Variants in ABCD2 observed in about 807,000 individuals in gnomAD.
ABCD2 encodes ATP binding cassette subfamily D member 2, also known as ATP-binding cassette sub-family D member 2.
In ABCD2, 36 loss-of-function variants were observed where a neutral mutation model predicts 70.9. That is an observed-to-expected ratio of 0.51 (90% CI 0.39 to 0.67). The LOEUF is 0.67. Ranked by LOEUF, ABCD2 falls within the 30% of genes least tolerant of loss-of-function variation. The pLI is 0.00. For missense variants in ABCD2, 729 were observed against 890.2 expected, an observed-to-expected ratio of 0.82 and a Z score of 2.30; for synonymous variants, 304 against 306.9, an observed-to-expected ratio of 0.99 and a Z score of 0.10.
the ABCD2 span, among the ~76,000 whole-genome samples, chr12:39,536,227 CTATTTCACTTT>C: frequency 6.6e-6 from 1 of 152,316 alleles, no homozygotes; most frequent in Middle Eastern, 3.4e-3. Context: ...AAGATGTTTT[CTATTTCACTTT>C]TATTTGTTCC....
At chr12:39,596,540 A>T (rs1332597095) in intron 6 of ABCD2, among the ~76,000 whole-genome samples, 2 of 152,098 alleles carry the variant, frequency 1.3e-5, no homozygotes, top group African/African-American at 4.8e-5. Flanking sequence ...ATACTTATAT[A>T]TAATCCTTCT....
chr12:39,609,264 TCTAGGTTTTATTC>T (rs1270603556), intron 2 of ABCD2, among the ~76,000 whole-genome samples: 1 of 152,194 alleles, frequency 6.6e-6, no homozygotes, highest in African/African-American at 2.4e-5. Context: ...TAGGTTTGAA[TCTAGGTTTTATTC>T]CTTATAAGCA....
the ABCD2 span, among the ~76,000 whole-genome samples, chr12:39,541,848 A>G: frequency 6.6e-6 from 1 of 152,220 alleles, no homozygotes; most frequent in Non-Finnish European, 1.5e-5. Context: ...TACAACATTA[A>G]TGAACTTCAT....
downstream of ABCD2, among the ~76,000 whole-genome samples, chr12:39,547,231 A>T (rs1446492296): frequency 6.6e-6 from 1 of 152,206 alleles, no homozygotes; most frequent in East Asian, 1.9e-4. Flanking sequence ...GCCCTTGTGC[A>T]CTGTTAGTAG....
the ABCD2 span, among the ~76,000 whole-genome samples, chr12:39,540,720 G>T: frequency 6.6e-6 from 1 of 152,178 alleles, no homozygotes; most frequent in South Asian, 2.1e-4. Flanking sequence ...TCCTTTCTAT[G>T]ATCCCAGGTC....
At position 39,553,799 on chromosome 12, in the gene ABCD2, C is replaced by T; in HGVS notation, c.*113G>A. ...TCCTTAATGCTAAAATCTTATAAAA[C>T]ATGTCTTGCTGCCTTTTTTTCTCTG... On this transcript the variant is annotated 3_prime_UTR_variant, in exon 10 of 10. Transcript: ENST00000308666. 1.3e-6 allele frequency: 1 copy of T among 762,078 alleles called. No individual in the cohort carries two copies. Among genetic ancestry groups the T allele is most frequent in the Non-Finnish European group, 2.1e-6 (1 of 487,090 alleles). 47.2% of individuals were successfully genotyped at this position (762,078 alleles called of 1,614,324 possible). A position where few individuals can be genotyped will look rare whatever the true frequency, so the allele number is the denominator to read the frequency against.
chr12:39,563,592 A>G (rs1298127178), intron 9 of ABCD2, among the ~76,000 whole-genome samples: 2 of 152,156 alleles, frequency 1.3e-5, no homozygotes, highest in African/African-American at 4.8e-5. Context: ...TAAAGGAAAA[A>G]GATAAATTGT....
intron 2 of ABCD2, among the ~76,000 whole-genome samples, chr12:39,611,610 T>C (rs1246177130): frequency 6.6e-6 from 1 of 152,044 alleles, no homozygotes; most frequent in Non-Finnish European, 1.5e-5. Context: ...TTCTAGAAGA[T>C]AAAATAAGGA....
In ABCD2 at chr12:39,595,165, T is replaced by C. The variant is rs1941799251; in HGVS notation, c.1646+5406A>G. Among the ~76,000 whole-genome samples, 6 of 152,298 alleles carry C rather than the reference T, an allele frequency of 3.9e-5. No homozygotes were observed. In the South Asian group the frequency reaches 1.2e-3, roughly 32 times the overall value. On this transcript the variant is annotated intron_variant, in intron 6 of 9. Coordinates refer to ENST00000308666, the MANE Select transcript of ABCD2 (RefSeq NM_005164.4). ...TGATATTTTGTTATTCCTCAGAAAG[T>C]TGGGAAAGTAATACAGACTGTGTTA...
At chr12:39,569,475 A>C (rs1566544377) in intron 9 of ABCD2, among the ~76,000 whole-genome samples, 1 of 152,198 alleles carries the variant, frequency 6.6e-6, no homozygotes, top group Non-Finnish European at 1.5e-5. Context: ...ACTGTTGGAA[A>C]AGCGCAGTAT....
At chr12:39,615,948 C>G (rs892540135) in intron 2 of ABCD2, among the ~76,000 whole-genome samples, 15 of 152,144 alleles carry the variant, frequency 9.9e-5, no homozygotes, top group Admixed American at 9.2e-4. Context: ...GTATAACATG[C>G]TCTGTACTTC....
chr12:39,562,828 A>T (rs1220115316), intron 9 of ABCD2, among the ~76,000 whole-genome samples: 3 of 152,172 alleles, frequency 2.0e-5, no homozygotes, highest in East Asian at 1.9e-4. Flanking sequence ...CATTACCCTG[A>T]TACTGAAACC....
chr12:39,538,966 A>T, the ABCD2 span, among the ~76,000 whole-genome samples: 1 of 152,154 alleles, frequency 6.6e-6, no homozygotes. Context: ...CTTGGGGCTG[A>T]TGCCATTTTA....
In ABCD2 at chr12:39,553,081, T is replaced by C. The variant is rs1297478927; in HGVS notation, c.*831A>G. 1 of 151,986 alleles carries C rather than the reference T, an allele frequency of 6.6e-6. No homozygotes were observed. Among genetic ancestry groups the C allele is most frequent in the Non-Finnish European group, 1.5e-5 (1 of 67,860 alleles). 9.4% of individuals were successfully genotyped at this position (151,986 alleles called of 1,614,324 possible). ...AGAATCCTTAAGTTCCTTTATACCA[T>C]TGCAGTTCTTAAAATGTAGACTCAT... On this transcript the variant is annotated 3_prime_UTR_variant, in exon 10 of 10. Coordinates refer to ENST00000308666, the MANE Select transcript of ABCD2 (RefSeq NM_005164.4).
At chr12:39,538,986 C>T in the ABCD2 span, among the ~76,000 whole-genome samples, 1 of 152,108 alleles carries the variant, frequency 6.6e-6, no homozygotes, top group African/African-American at 2.4e-5. Flanking sequence ...AGGCCTCAGC[C>T]CGCCTGCACC....
At chr12:39,597,760 T>C (rs144840448) in intron 6 of ABCD2, among the ~76,000 whole-genome samples, 1 of 152,328 alleles carries the variant, frequency 6.6e-6, no homozygotes, top group East Asian at 1.9e-4. Flanking sequence ...TGATGAAACA[T>C]TTCTTTCCAA....
chr12:39,545,333 C>T (rs1457165392), downstream of ABCD2, among the ~76,000 whole-genome samples: 2 of 152,096 alleles, frequency 1.3e-5, no homozygotes, highest in African/African-American at 4.8e-5. Flanking sequence ...GCTCTTATCA[C>T]CCATGCTGGA....
At chr12:39,596,819 T>C (rs1941822421) in intron 6 of ABCD2, among the ~76,000 whole-genome samples, 1 of 152,148 alleles carries the variant, frequency 6.6e-6, no homozygotes, top group African/African-American at 2.4e-5. Flanking sequence ...GTGGAACTGG[T>C]TCCAGGACCC....
chr12:39,608,935 G>C (rs1052705651), intron 2 of ABCD2, among the ~76,000 whole-genome samples: 13 of 151,998 alleles, frequency 8.6e-5, no homozygotes, highest in African/African-American at 2.9e-4. Context: ...TTAATCCTCT[G>C]GCATTTGTAT....
Sources: gnomAD v4.1 joint callset for allele counts (sites outside exome capture counted in the v4.1 genomes callset) on GRCh38, gnomAD v4.1.1 for gene constraint, MANE v1.5 for transcripts, NCBI Gene and HGNC (gene_info 2026-07-23, HGNC 2026-07-21) for gene names.